Variants in ARL10 observed in about 807,000 individuals in gnomAD.
ARL10 encodes the protein ARF like GTPase 10.
Under a neutral mutation model 26.1 loss-of-function variants are expected in ARL10, and 23 were observed. The observed-to-expected ratio is 0.88, with a 90% CI of 0.63 to 1.25. The LOEUF (loss-of-function observed/expected upper bound fraction) is 1.25. Ranked by LOEUF, ARL10 falls within the 50% of genes most tolerant of loss-of-function variation. The pLI is 0.00. For synonymous variants in ARL10, 138 were observed against 149.1 expected (o/e 0.93, Z 0.54); for missense variants, 300 against 323.6 (o/e 0.93, Z 0.56).
rs748350193 is a variant in ARL10 at position 176,368,881 on chromosome 5, G to A, written c.460G>A (p.Asp154Asn). ...GGTGGATGTGCTGGTGTTTGTGGTG[G>A]ACTCGGCTGACCGACTGCGGCTGCC... The part of the protein sequence containing the change: ...SEVDVLVFVV[D>N]SADRLRLPWA... Residue 154 changes from aspartate (D) to asparagine (N), a missense_variant, in exon 3 of 4, where the codon GAC becomes AAC. Asp to Asn is a conservative substitution (Grantham distance 23). Transcript: ENST00000310389. The surrounding 1 kb of genome is among the most constrained non-coding windows in gnomAD (Gnocchi z 4.1). 2 of 1,614,096 alleles carry A rather than the reference G, an allele frequency of 1.2e-6. No homozygotes were observed. Among genetic ancestry groups the A allele is most frequent in the Non-Finnish European group, 1.7e-6 (2 of 1,180,042 alleles).
chr5:176,385,657 G>C (rs1192560101), downstream of ARL10, among the ~76,000 whole-genome samples: 1 of 152,200 alleles, frequency 6.6e-6, no homozygotes, highest in Non-Finnish European at 1.5e-5. Flanking sequence ...CAGAGATGAA[G>C]GCACATACCT....
At position 176,368,108 on chromosome 5, in the gene ARL10, A is replaced by T. The variant is rs928344392; in HGVS notation, c.386-699A>T. The T allele has an allele frequency of 6.1e-6, 3 of 490,856 alleles. No homozygotes were observed. The Admixed American group carries it at 6.2e-5, about 10-fold the overall frequency. 30.4% of individuals were successfully genotyped at this position (490,856 alleles called of 1,614,324 possible). A position where few individuals can be genotyped will look rare whatever the true frequency, so the allele number is the denominator to read the frequency against. Reference sequence around the variant, plus strand: ...AAGTGTCAGAAACATAGCCAGAAACACTAGGGTGCGGGGTGACCAATGGGA... The same window carrying T: ...AAGTGTCAGAAACATAGCCAGAAACTCTAGGGTGCGGGGTGACCAATGGGA... On this transcript the variant is annotated intron_variant, in intron 2 of 3. Coordinates refer to ENST00000310389, the MANE Select transcript of ARL10 (RefSeq NM_173664.6). The surrounding 1 kb of genome is among the most constrained non-coding windows in gnomAD (Gnocchi z 4.1).
At chr5:176,395,669 C>G (rs1756486971) in intron 1 of ARL10, among the ~76,000 whole-genome samples, 1 of 152,078 alleles carries the variant, frequency 6.6e-6, no homozygotes, top group African/African-American at 2.4e-5. Context: ...CTCATCACAC[C>G]AAGTAGACCC....
Position 176,378,475 on chromosome 5 carries a change from G to C in ARL10, c.*6580G>C, listed in dbSNP as rs1306196773. The C allele has an allele frequency of 6.6e-6, 1 of 152,196 alleles. No homozygotes were observed. Among genetic ancestry groups the C allele is most frequent in the Non-Finnish European group, 1.5e-5 (1 of 68,038 alleles). The allele number at this position is 152,196 out of a possible 1,614,324, so 9.4% of individuals were successfully genotyped here. ...CCACTTGAGTCTGTTTTTAATAGGG[G>C]CTCCACTAGAAGTGAGAAACCCTCT... On this transcript the variant is annotated 3_prime_UTR_variant, in exon 4 of 4. Transcript: ENST00000310389.
At chr5:176,392,702 C>G, downstream of ARL10, 2 of 1,558,690 alleles carry the variant, frequency 1.3e-6, no homozygotes, top group Non-Finnish European at 1.8e-6. This position sits in a 1 kb window ranked among gnomAD's most constrained non-coding sequence, Gnocchi z 5.2. Context: ...GAGTCTCCAC[C>G]CCGACCAAAG....
downstream of ARL10, chr5:176,388,777 T>A: frequency 6.3e-7 from 1 of 1,599,488 alleles, no homozygotes; most frequent in Admixed American, 1.7e-5. Context: ...ACCGGGAGGC[T>A]GAGGTCGGAG....
the ARL10 span, among the ~76,000 whole-genome samples, chr5:176,408,798 G>C: frequency 3.3e-5 from 5 of 152,198 alleles, no homozygotes; most frequent in Admixed American, 1.3e-4. Flanking sequence ...GGGATTACAG[G>C]CGTAAGCCGC....
rs144937482 is a variant in ARL10, at chr5:176,388,584, T to C, written c.*86T>C. Reference sequence around the variant, plus strand: ...GCAGCTCAAACACGCTGCCTCTGTCTCTCAGACCTCGTGTAACAAACTCCT... The same window carrying C: ...GCAGCTCAAACACGCTGCCTCTGTCCCTCAGACCTCGTGTAACAAACTCCT... On this transcript the variant is annotated 3_prime_UTR_variant, in exon 2 of 2. Transcript: ENST00000503175. 2.1e-4 allele frequency: 331 copies of C among 1,541,930 alleles called. 1 individual carries two copies. In the African/African-American group the frequency reaches 4.1e-3, roughly 19 times the overall value.
chr5:176,396,383 C>G, intron 1 of ARL10: 1 of 1,141,808 alleles, frequency 8.8e-7, no homozygotes, highest in Non-Finnish European at 1.3e-6. Context: ...CGAGCCCAGC[C>G]ACACTCATTT....
chr5:176,406,736 C>G, downstream of ARL10: 1 of 1,275,072 alleles, frequency 7.8e-7, no homozygotes, highest in Middle Eastern at 2.4e-4. Context: ...AAAGGAAGCA[C>G]AAAAGCTCTG....
chr5:176,395,893 G>A (rs896909493), intron 1 of ARL10, among the ~76,000 whole-genome samples: 1 of 152,182 alleles, frequency 6.6e-6, no homozygotes, highest in Non-Finnish European at 1.5e-5. Flanking sequence ...CCAGCACTTT[G>A]GGAGGCCGAG....
chr5:176,371,266 T>TC (rs1421219147), intron 3 of ARL10, among the ~76,000 whole-genome samples: 5 of 152,120 alleles, frequency 3.3e-5, no homozygotes, highest in Non-Finnish European at 5.9e-5. Context: ...TCCCAGCTAC[T>TC]AGGGAGGCTG....
rs1422515510 is a variant in ARL10 at position 176,380,393 on chromosome 5, T to C, written c.*8498T>C. 1.3e-5 allele frequency: 2 copies of C among 151,938 alleles called. No homozygotes were observed. The highest frequency in any genetic ancestry group is 1.3e-4 in the Admixed American group (2 of 15,244). 9.4% of individuals were successfully genotyped at this position (151,938 alleles called of 1,614,324 possible). ...AGTTTTATTTAAAGTTTCCTCATCG[T>C]GGCCATTTTAATTCTAAGTTGTTCC... On this transcript the variant is annotated 3_prime_UTR_variant, in exon 4 of 4. Transcript: ENST00000310389.
chr5:176,414,220 T>C, the ARL10 span, among the ~76,000 whole-genome samples: 1 of 151,852 alleles, frequency 6.6e-6, no homozygotes, highest in Non-Finnish European at 1.5e-5. Flanking sequence ...AGGAAAAGGG[T>C]GGTCTCACAG....
At chr5:176,397,755 G>C in intron 1 of ARL10, 1 of 1,591,292 alleles carries the variant, frequency 6.3e-7, no homozygotes. Flanking sequence ...CTGCTTTCCA[G>C]CTGGGATGCA....
Position 176,394,746 on chromosome 5 carries a change from C to T in ARL10, c.134-6995C>T, listed in dbSNP as rs991617187. On this transcript the variant is annotated intron_variant, in intron 1 of 1. Transcript: ENST00000514533. ...AGAAGAATTGCTTGAGCCCAGGAGG[C>T]GGAGGTTGCAGTGAGCTGAGATCAT... Among the ~76,000 whole-genome samples the T allele has an allele frequency of 3.3e-5, 5 of 151,824 alleles. No homozygotes were observed. The East Asian group carries it at 5.8e-4, about 18-fold the overall frequency.
intron 2 of ARL10, 26 bp downstream of exon 2, chr5:176,366,607 C>G: frequency 6.2e-7 from 1 of 1,611,510 alleles, no homozygotes; most frequent in Non-Finnish European, 8.5e-7. Context: ...ACCCCATCTC[C>G]CCGTCTCCTC....
At chr5:176,411,405 G>A in the ARL10 span, among the ~76,000 whole-genome samples, 1 of 152,150 alleles carries the variant, frequency 6.6e-6, no homozygotes, top group Non-Finnish European at 1.5e-5. Context: ...TCCTGCCTTG[G>A]GGACTTTGCA....
chr5:176,365,917 G>A (rs1170215854), intron 1 of ARL10, among the ~76,000 whole-genome samples, 171 bp downstream of exon 1: 1 of 152,208 alleles, frequency 6.6e-6, no homozygotes, highest in Non-Finnish European at 1.5e-5. Flanking sequence ...GTCAGAGCCC[G>A]GGAACCGAGG....
Sources: gnomAD v4.1 joint callset for allele counts (sites outside exome capture counted in the v4.1 genomes callset) on GRCh38, gnomAD v4.1.1 for gene constraint, Gnocchi (gnomAD v3.1) non-coding constraint, MANE v1.5 for transcripts, NCBI Gene and HGNC (gene_info 2026-07-23, HGNC 2026-07-21) for gene names.